Variants in THOC2 observed in about 807,000 individuals in gnomAD.
THOC2 encodes THO complex subunit 2, also known as THO complex 2.
Under a neutral mutation model 128.4 loss-of-function variants are expected in THOC2, and 10 were observed. The ratio of observed to expected loss-of-function variants is 0.08; its 90% CI spans 0.05 to 0.13. The LOEUF is 0.13. THOC2 is among the 10% of genes least tolerant of loss of function. The pLI, the probability that THOC2 is intolerant of heterozygous loss-of-function variation, is 1.00. For synonymous variants in THOC2, 393 were observed against 396.9 expected, an observed-to-expected ratio of 0.99 and a Z score of 0.12; for missense variants, 535 against 1,155.7, an observed-to-expected ratio of 0.46 and a Z score of 7.79.
At chrX:123,624,737 A>T in intron 25 of THOC2, 68 bp from the exon 26 acceptor site, 1 of 1,017,864 alleles carries the variant, frequency 9.8e-7, no homozygotes, top group Non-Finnish European at 1.4e-6. Context: ...ATATTAGAAG[A>T]TTCTCTTACA....
At chrX:123,640,101 C>T (rs1451961475) in intron 16 of THOC2, among the ~76,000 whole-genome samples, 1 of 111,512 alleles carries the variant, frequency 9.0e-6, no homozygotes, top group Non-Finnish European at 1.9e-5. Context: ...GCAGGAGAAT[C>T]GCTTGAACCC....
intron 8 of THOC2, among the ~76,000 whole-genome samples, chrX:123,685,470 T>A (rs2049964554): frequency 9.0e-6 from 1 of 111,473 alleles, no homozygotes; most frequent in Non-Finnish European, 1.9e-5. Flanking sequence ...AAAGGAGAAG[T>A]GAGAGGGTTG....
At chrX:123,645,230 A>G (rs2048075168) in intron 13 of THOC2, 104 bp downstream of exon 13, 1 of 564,988 alleles carries the variant, frequency 1.8e-6, no homozygotes, top group Non-Finnish European at 2.7e-6. Flanking sequence ...ACATTATAAA[A>G]CAATTACTCA....
chrX:123,662,937 C>CTT (rs1280001832), intron 12 of THOC2, among the ~76,000 whole-genome samples: 11 of 112,042 alleles, frequency 9.8e-5, no homozygotes, highest in Non-Finnish European at 1.9e-4. Flanking sequence ...ATGACTAAAA[C>CTT]TTAAAAGAGT....
chrX:123,644,380 T>C (rs370368064), intron 15 of THOC2, among the ~76,000 whole-genome samples, 195 bp downstream of exon 15: 4 of 111,981 alleles, frequency 3.6e-5, no homozygotes, highest in East Asian at 5.6e-4. Context: ...ACAACAACTA[T>C]GAAAACATTA....
At chrX:123,637,251 C>A (rs1488786534) in intron 18 of THOC2, among the ~76,000 whole-genome samples, 2 of 111,676 alleles carry the variant, frequency 1.8e-5, no homozygotes, top group African/African-American at 6.5e-5. Flanking sequence ...TGGGGAGCCA[C>A]TGCAAGATTC....
At chrX:123,660,510 A>T (rs1001010291) in intron 12 of THOC2, among the ~76,000 whole-genome samples, 1 of 111,962 alleles carries the variant, frequency 8.9e-6, no homozygotes, top group African/African-American at 3.2e-5. Flanking sequence ...TAGTAACTGT[A>T]TAGTGGAGAA....
intron 12 of THOC2, among the ~76,000 whole-genome samples, chrX:123,655,604 G>A (rs889110468): frequency 3.6e-5 from 4 of 111,322 alleles, no homozygotes; most frequent in African/African-American, 1.3e-4. Context: ...GGCATGACAC[G>A]TTTCTCAAAA....
chrX:123,621,237 A>G lies in THOC2; in HGVS notation c.4136T>C (p.Val1379Ala). The G allele has an allele frequency of 8.3e-7, 1 of 1,211,211 alleles. No homozygotes were observed. Among genetic ancestry groups the G allele is most frequent in the South Asian group, 1.8e-5 (1 of 56,878 alleles). The change falls in exon 31 of 39, where the codon GTT becomes GCT. Residue 1379 changes from valine to alanine, a missense_variant. This residue lies in a region of THOC2 where 116 missense variants were observed against 180.0 expected (regional missense o/e 0.64). Coordinates refer to ENST00000245838, the MANE Select transcript of THOC2 (RefSeq NM_001081550.2). ...IAKEMKSKEN[V>A]KGGEKTPVSG... ...AACTGGTGTTTTTTCTCCTCCTTTA[A>G]CATTTTCCTTTGATTTCATTTCCTT...
intron 1 of THOC2, among the ~76,000 whole-genome samples, chrX:123,722,753 C>T (rs2051761158): frequency 1.8e-5 from 2 of 111,262 alleles, no homozygotes; most frequent in African/African-American, 6.5e-5. Flanking sequence ...ACAGTTGTAA[C>T]ACATGCAGTG....
At chrX:123,607,242 A>G (rs1398459721) in intron 38 of THOC2, among the ~76,000 whole-genome samples, 1 of 110,526 alleles carries the variant, frequency 9.0e-6, no homozygotes, top group Non-Finnish European at 1.9e-5. Context: ...AGAAGACTGG[A>G]AGGAATTTAA....
intron 13 of THOC2, 136 bp from the exon 14 acceptor site, chrX:123,645,045 T>C (rs1243151665): frequency 1.9e-6 from 1 of 534,978 alleles, no homozygotes; most frequent in Non-Finnish European, 2.9e-6. Flanking sequence ...ACCCACCCTT[T>C]TCACAAAGCT....
intron 1 of THOC2, among the ~76,000 whole-genome samples, chrX:123,723,172 ACT>A (rs756967763): frequency 1.1e-4 from 12 of 110,681 alleles, no homozygotes; most frequent in Non-Finnish European, 1.9e-4. Flanking sequence ...ACAGAGCAAG[ACT>A]CTGTCTCAAA....
chrX:123,610,563 T>C (rs1189680221), intron 38 of THOC2, among the ~76,000 whole-genome samples: 1 of 111,835 alleles, frequency 8.9e-6, no homozygotes, highest in Admixed American at 9.5e-5. Flanking sequence ...AGTCTGTTTC[T>C]TCACTTATAA....
chrX:123,636,621 A>G (rs2047683405), intron 18 of THOC2, among the ~76,000 whole-genome samples: 2 of 111,818 alleles, frequency 1.8e-5, no homozygotes, highest in South Asian at 7.6e-4. Flanking sequence ...GAAAAAAAAA[A>G]ATCTCTTTTT....
intron 12 of THOC2, among the ~76,000 whole-genome samples, chrX:123,654,661 A>C (rs1417417066): frequency 1.0e-5 from 1 of 99,206 alleles, no homozygotes; most frequent in African/African-American, 3.7e-5. Context: ...CAGGAGGCTG[A>C]GGCAGGAGAA....
At chrX:123,671,377 G>T (rs1468884805) in intron 9 of THOC2, among the ~76,000 whole-genome samples, 1 of 111,835 alleles carries the variant, frequency 8.9e-6, no homozygotes, top group Admixed American at 9.5e-5. Flanking sequence ...GCTATGCCTT[G>T]ATGACAGTTA....
chrX:123,605,394 G>A (rs886807624), intron 38 of THOC2, among the ~76,000 whole-genome samples: 1 of 111,478 alleles, frequency 9.0e-6, no homozygotes, highest in Non-Finnish European at 1.9e-5. Flanking sequence ...CCTATACTCA[G>A]TATTTTTTTT....
At chrX:123,694,559 G>C (rs1192905577) in intron 7 of THOC2, among the ~76,000 whole-genome samples, 1 of 107,146 alleles carries the variant, frequency 9.3e-6, no homozygotes, top group Non-Finnish European at 1.9e-5. Flanking sequence ...AGTGAGCTGG[G>C]ATTGCGCCAC....
Sources: allele counts gnomAD v4.1 joint callset (sites outside exome capture counted in the v4.1 genomes callset), GRCh38; gene constraint gnomAD v4.1.1; regional missense constraint gnomAD v4.1.1; transcripts MANE v1.5; gene names NCBI Gene and HGNC (gene_info 2026-07-23, HGNC 2026-07-21).